The following ATXN8OS variants were observed in gnomAD, a reference collection of about 807,000 sequenced individuals.
ATXN8OS encodes ATXN8 opposite strand lncRNA.
At chr13:70,150,194 C>T (rs1012943541) in intron 4 of ATXN8OS, among the ~76,000 whole-genome samples, 8 of 150,892 alleles carry the variant, frequency 5.3e-5, no homozygotes, top group Non-Finnish European at 1.2e-4. Context: ...TGAAGTTACT[C>T]CTCCTATTCA....
chr13:70,109,576 C>T (rs1248558926), intron 1 of ATXN8OS, among the ~76,000 whole-genome samples: 1 of 152,098 alleles, frequency 6.6e-6, no homozygotes, highest in African/African-American at 2.4e-5. Context: ...GCACAAAAGA[C>T]CTATTTTTAG....
intron 4 of ATXN8OS, among the ~76,000 whole-genome samples, chr13:70,155,816 A>G (rs113950345): frequency 5.3e-5 from 8 of 152,022 alleles, no homozygotes; most frequent in African/African-American, 1.7e-4. Flanking sequence ...AATGAAAAGA[A>G]AAAAAGGATT....
At chr13:70,113,188 G>A (rs1271467947) in intron 1 of ATXN8OS, among the ~76,000 whole-genome samples, 1 of 151,760 alleles carries the variant, frequency 6.6e-6, no homozygotes, top group African/African-American at 2.4e-5. Flanking sequence ...CCAAAGTGCT[G>A]GGATTACAGG....
intron 2 of ATXN8OS, among the ~76,000 whole-genome samples, chr13:70,127,448 A>G (rs1185868337): frequency 6.6e-6 from 1 of 152,112 alleles, no homozygotes; most frequent in Non-Finnish European, 1.5e-5. Context: ...AAATAAATTA[A>G]CTTAGTGTTC....
chr13:70,166,774 A>C (rs1889081241), intron 4 of ATXN8OS, among the ~76,000 whole-genome samples: 1 of 152,158 alleles, frequency 6.6e-6, no homozygotes, highest in Admixed American at 6.6e-5. Context: ...TACTCATCTG[A>C]CAAAGGGCTA....
intron 1 of ATXN8OS, among the ~76,000 whole-genome samples, chr13:70,109,497 C>T (rs1295168120): frequency 1.3e-5 from 2 of 152,132 alleles, no homozygotes; most frequent in African/African-American, 4.8e-5. Context: ...GTAAACGTAA[C>T]CAGAAACCAA....
chr13:70,147,072 A>G (rs574896125), intron 3 of ATXN8OS, among the ~76,000 whole-genome samples: 2 of 152,274 alleles, frequency 1.3e-5, no homozygotes, highest in African/African-American at 4.8e-5. Flanking sequence ...TCTTTTGGAT[A>G]TGTTTCTGAA....
At position 70,142,622 on chromosome 13, in the gene ATXN8OS, A is replaced by G. The variant is rs1006175850; in HGVS notation, n.500-4733A>G. On this transcript the variant is annotated intron_variant and non_coding_transcript_variant, in intron 3 of 4. Coordinates refer to ENST00000678624, the Ensembl canonical transcript of ATXN8OS. ...GAAATAGTAATTACTTGTTGTAATCACCATTAGACAGTGTTCTTGACTAAC... is the reference window on the plus strand; with the variant it reads ...GAAATAGTAATTACTTGTTGTAATCGCCATTAGACAGTGTTCTTGACTAAC... Among the ~76,000 whole-genome samples, 4 of 152,220 alleles carry G rather than the reference A, an allele frequency of 2.6e-5. 1 individual carries two copies. The highest frequency in any genetic ancestry group is 5.9e-5 in the Non-Finnish European group (4 of 68,036).
chr13:70,107,807 C>T, exon 1 of ATXN8OS: 1 of 796,442 alleles, frequency 1.3e-6, no homozygotes, highest in South Asian at 1.9e-5. Context: ...CGGGATGCGC[C>T]CTCTGCACCC....
upstream of ATXN8OS, chr13:70,107,646 G>A (rs1261355315): frequency 3.2e-6 from 5 of 1,553,678 alleles, no homozygotes; most frequent in Non-Finnish European, 2.6e-6. Context: ...AGAGTTTCCA[G>A]CGGAGTCGCA....
intron 2 of ATXN8OS, among the ~76,000 whole-genome samples, chr13:70,128,177 T>C (rs1888472520): frequency 1.3e-5 from 2 of 152,192 alleles, no homozygotes; most frequent in Non-Finnish European, 2.9e-5. Context: ...ATTTAAAACT[T>C]GATTTACCTG....
intron 2 of ATXN8OS, among the ~76,000 whole-genome samples, chr13:70,120,758 C>T (rs1172418736): frequency 3.3e-5 from 5 of 152,196 alleles, no homozygotes; most frequent in Middle Eastern, 3.4e-3. Context: ...ATGATGAGTT[C>T]ATGTCCTTTG....
intron 4 of ATXN8OS, among the ~76,000 whole-genome samples, chr13:70,161,282 C>G (rs1231044011): frequency 6.6e-6 from 1 of 151,992 alleles, no homozygotes; most frequent in East Asian, 1.9e-4. Flanking sequence ...AAGTATTCTA[C>G]TATTTTGCCT....
chr13:70,146,657 C>G (rs1351887455), intron 3 of ATXN8OS, among the ~76,000 whole-genome samples: 1 of 150,402 alleles, frequency 6.6e-6, no homozygotes, highest in African/African-American at 2.4e-5. Context: ...AGCAAACTAT[C>G]ACAAGGACAA....
At chr13:70,142,839 C>G (rs977047418) in intron 3 of ATXN8OS, among the ~76,000 whole-genome samples, 1 of 152,178 alleles carries the variant, frequency 6.6e-6, no homozygotes, top group South Asian at 2.1e-4. Context: ...TTTGGGAGCC[C>G]GAGGCGGGAG....
At chr13:70,125,468 T>C (rs2137478683) in intron 2 of ATXN8OS, among the ~76,000 whole-genome samples, 1 of 152,286 alleles carries the variant, frequency 6.6e-6, no homozygotes. Flanking sequence ...CATAACATCA[T>C]CAAGTATTCA....
intron 3 of ATXN8OS, among the ~76,000 whole-genome samples, chr13:70,133,695 C>A (rs749372223): frequency 6.6e-6 from 1 of 152,126 alleles, no homozygotes; most frequent in Non-Finnish European, 1.5e-5. Flanking sequence ...AAGGCAGAGA[C>A]TGGAGTTGGG....
intron 4 of ATXN8OS, among the ~76,000 whole-genome samples, chr13:70,164,387 G>A (rs1889053630): frequency 6.6e-6 from 1 of 151,468 alleles, no homozygotes; most frequent in African/African-American, 2.4e-5. Context: ...CTACCAAGCA[G>A]ATAAGACACC....
At chr13:70,123,222 G>T (rs1206851528) in intron 2 of ATXN8OS, among the ~76,000 whole-genome samples, 1 of 151,988 alleles carries the variant, frequency 6.6e-6, no homozygotes, top group African/African-American at 2.4e-5. Flanking sequence ...ATAATTTACT[G>T]ATGCCCATAA....
Sources: allele counts gnomAD v4.1 joint callset (sites outside exome capture counted in the v4.1 genomes callset), GRCh38; gene constraint gnomAD v4.1.1; transcripts MANE v1.5; gene names NCBI Gene and HGNC (gene_info 2026-07-23, HGNC 2026-07-21).